Variants in SHISA9 observed in about 807,000 individuals in gnomAD.
SHISA9 encodes the protein shisa family member 9.
In SHISA9, 13 loss-of-function variants were observed where a neutral mutation model predicts 38.0. That is an observed-to-expected ratio of 0.34 (90% CI 0.22 to 0.54). The LOEUF (loss-of-function observed/expected upper bound fraction) is 0.54, where lower values mean the gene tolerates loss of function less well. SHISA9 is among the 20% of genes least tolerant of loss of function. SHISA9 has a pLI of 0.91. For synonymous variants in SHISA9, 275 were observed against 242.0 expected, an observed-to-expected ratio of 1.14 and a Z score of -1.27; for missense variants, 538 against 575.8, an observed-to-expected ratio of 0.93 and a Z score of 0.67.
chr16:13,227,646 A>T (rs577580326), intron 4 of SHISA9, among the ~76,000 whole-genome samples: 24 of 152,334 alleles, frequency 1.6e-4, no homozygotes, highest in African/African-American at 4.1e-4. Context: ...TTGAAGTTTC[A>T]TGGCACTGGA....
chr16:13,250,880 C>T, the SHISA9 span, among the ~76,000 whole-genome samples: 3 of 152,108 alleles, frequency 2.0e-5, no homozygotes, highest in Admixed American at 6.6e-5. Context: ...CACCATGATT[C>T]AGATGCTCTG....
At chr16:13,488,771 T>A in the SHISA9 span, among the ~76,000 whole-genome samples, 6 of 152,226 alleles carry the variant, frequency 3.9e-5, no homozygotes, top group East Asian at 1.2e-3. Context: ...TTTTAATTTT[T>A]ATTTTTTGGA....
In SHISA9 at chr16:13,216,582, C is replaced by T. The variant is rs969774771; in HGVS notation, c.895+3282C>T. On this transcript the variant is annotated intron_variant, in intron 4 of 4. Transcript: ENST00000558583. ...TGATCTCTTTGCTCTTAAGGAAGACCGATGAACATCTTAACATTCAGTGGC... is the reference window on the plus strand; with the variant it reads ...TGATCTCTTTGCTCTTAAGGAAGACTGATGAACATCTTAACATTCAGTGGC... Among the ~76,000 whole-genome samples the T allele has an allele frequency of 5.3e-5, 8 of 152,118 alleles. No homozygotes were observed. In the South Asian group the frequency reaches 8.3e-4, roughly 16 times the overall value.
intron 2 of SHISA9, among the ~76,000 whole-genome samples, chr16:13,073,635 C>T (rs914056481): frequency 5.3e-5 from 8 of 152,160 alleles, no homozygotes; most frequent in African/African-American, 1.9e-4. Flanking sequence ...GTGGCCATGA[C>T]CTTATTTGGA....
intron 3 of SHISA9, 91 bp downstream of exon 3, chr16:13,203,640 C>G: frequency 7.6e-7 from 1 of 1,313,248 alleles, no homozygotes; most frequent in South Asian, 1.9e-5. Context: ...GTTTTCTTTC[C>G]TAATTCCTTT....
intron 2 of SHISA9, among the ~76,000 whole-genome samples, chr16:13,165,845 A>G (rs1319704737): frequency 6.6e-6 from 1 of 152,224 alleles, no homozygotes; most frequent in Admixed American, 6.5e-5. Context: ...CACTGTTCCC[A>G]ATAAATCATG....
intron 2 of SHISA9, among the ~76,000 whole-genome samples, chr16:13,162,044 G>A (rs748611098): frequency 3.3e-5 from 5 of 152,158 alleles, no homozygotes; most frequent in African/African-American, 4.8e-5. Context: ...TAATTAGAAG[G>A]GGATAATGTA....
intron 2 of SHISA9, among the ~76,000 whole-genome samples, chr16:13,030,223 A>C (rs978001090): frequency 1.3e-5 from 2 of 152,114 alleles, no homozygotes; most frequent in Non-Finnish European, 2.9e-5. Flanking sequence ...ATGGAATCCT[A>C]TTGCAAGAAC....
the SHISA9 span, among the ~76,000 whole-genome samples, chr16:13,314,382 T>G: frequency 6.6e-6 from 1 of 151,884 alleles, no homozygotes; most frequent in Non-Finnish European, 1.5e-5. Flanking sequence ...CCCAGCTAAT[T>G]TATTATTACT....
chr16:13,522,887 A>G, the SHISA9 span, among the ~76,000 whole-genome samples: 1 of 152,224 alleles, frequency 6.6e-6, no homozygotes, highest in Non-Finnish European at 1.5e-5. Context: ...ATATGATGCA[A>G]TTCAGCCCCT....
the SHISA9 span, among the ~76,000 whole-genome samples, chr16:13,502,566 G>C: frequency 6.6e-6 from 1 of 151,954 alleles, no homozygotes; most frequent in African/African-American, 2.4e-5. Flanking sequence ...TTACCATTGC[G>C]GTATTTAAAA....
At chr16:13,425,958 C>G in the SHISA9 span, among the ~76,000 whole-genome samples, 1 of 152,170 alleles carries the variant, frequency 6.6e-6, no homozygotes, top group African/African-American at 2.4e-5. Flanking sequence ...AGGTCAAGTA[C>G]TTGTGCTTTG....
At chr16:13,136,945 G>A (rs1596673493) in intron 2 of SHISA9, among the ~76,000 whole-genome samples, 1 of 152,162 alleles carries the variant, frequency 6.6e-6, no homozygotes, top group Admixed American at 6.5e-5. Flanking sequence ...GATTGAGAAG[G>A]TTTCTGCAAA....
chr16:13,008,950 G>T (rs910862070), intron 2 of SHISA9, among the ~76,000 whole-genome samples: 2 of 152,024 alleles, frequency 1.3e-5, no homozygotes. Context: ...GGCAACATAA[G>T]ATAGCTTACA....
At chr16:12,922,963 G>C (rs549027278) in intron 2 of SHISA9, among the ~76,000 whole-genome samples, 2 of 152,028 alleles carry the variant, frequency 1.3e-5, no homozygotes, top group Admixed American at 1.3e-4. Flanking sequence ...ACCAGGAACT[G>C]GGCTGACTCA....
rs928525523 is a variant in SHISA9 at position 12,927,472 on chromosome 16, C to T, written c.691+10657C>T. Among the ~76,000 whole-genome samples the T allele has an allele frequency of 3.9e-5, 6 of 152,228 alleles. No individual in the cohort carries two copies. In the East Asian group the frequency reaches 1.2e-3, roughly 29 times the overall value. On this transcript the variant is annotated intron_variant, in intron 2 of 4. Transcript: ENST00000558583. Reference sequence around the variant, plus strand: ...GGAGTGCAGTGGTGAGATCACAGCTCACTGCAGTGTTACCCTCCTGGGTTC... The same window carrying T: ...GGAGTGCAGTGGTGAGATCACAGCTTACTGCAGTGTTACCCTCCTGGGTTC...
At chr16:13,099,014 T>A (rs375147173) in intron 2 of SHISA9, among the ~76,000 whole-genome samples, 1 of 152,376 alleles carries the variant, frequency 6.6e-6, no homozygotes, top group South Asian at 2.1e-4. Flanking sequence ...AACAAATATT[T>A]ATTGAATACT....
the SHISA9 span, among the ~76,000 whole-genome samples, chr16:13,457,767 G>A: frequency 6.6e-6 from 1 of 151,888 alleles, no homozygotes; most frequent in Non-Finnish European, 1.5e-5. Flanking sequence ...GCTTAGGAGT[G>A]TCCTCAAACA....
the SHISA9 span, among the ~76,000 whole-genome samples, chr16:13,325,265 G>A: frequency 1.3e-5 from 2 of 152,166 alleles, no homozygotes; most frequent in African/African-American, 4.8e-5. Context: ...CCTGTCGTGT[G>A]TCATGTCATG....
Sources: gnomAD v4.1 joint callset for allele counts (sites outside exome capture counted in the v4.1 genomes callset) on GRCh38, gnomAD v4.1.1 for gene constraint, MANE v1.5 for transcripts, NCBI Gene and HGNC (gene_info 2026-07-23, HGNC 2026-07-21) for gene names.